HMGB1: variants seen among roughly 807,000 people sequenced by gnomAD.
HMGB1 encodes high mobility group box 1.
For synonymous variants in HMGB1, 81 were observed against 84.0 expected (o/e 0.96, Z 0.19); for missense variants, 79 against 253.5 (o/e 0.31, Z 4.67).
intron 1 of HMGB1, among the ~76,000 whole-genome samples, chr13:30,544,296 G>T (rs1364182301): frequency 5.3e-5 from 8 of 152,218 alleles, no homozygotes. Flanking sequence ...CAAGCCCTAG[G>T]AACGGCCAGA....
intron 1 of HMGB1, among the ~76,000 whole-genome samples, chr13:30,543,795 C>A (rs1869024218): frequency 6.6e-6 from 1 of 152,180 alleles, no homozygotes; most frequent in African/African-American, 2.4e-5. Flanking sequence ...TATTTCCCTA[C>A]CTTATTGAGA....
intron 1 of HMGB1, among the ~76,000 whole-genome samples, chr13:30,579,355 A>T (rs150952761): frequency 1.3e-3 from 192 of 152,370 alleles, no homozygotes; most frequent in Non-Finnish European, 2.4e-3. Flanking sequence ...ACACATGTGT[A>T]CCTGTATATT....
At position 30,537,657 on chromosome 13, in the gene HMGB1, A is replaced by C. The variant is rs1228201407; in HGVS notation, c.-14-73963T>G. ...GCAATTCATTCATTCTTGTTCATAT[A>C]TATATATATATATATATATATATAT... On this transcript the variant is annotated intron_variant, in intron 1 of 4. Transcript: ENST00000405805. Among the ~76,000 whole-genome samples the C allele has an allele frequency of 3.4e-4, 19 of 55,274 alleles. 1 individual carries two copies. Among genetic ancestry groups the C allele is most frequent in the African/African-American group, 2.2e-3 (13 of 6,002 alleles). The allele number at this position is 55,274 out of a possible 152,430, so 36.3% of individuals were successfully genotyped here.
chr13:30,524,524 A>T (rs1472149671), intron 1 of HMGB1, among the ~76,000 whole-genome samples: 1 of 151,736 alleles, frequency 6.6e-6, no homozygotes, highest in Non-Finnish European at 1.5e-5. Context: ...TGCAGGAGGA[A>T]CTACCAAACA....
intron 1 of HMGB1, among the ~76,000 whole-genome samples, chr13:30,538,540 T>A (rs865974619): frequency 9.3e-6 from 1 of 107,464 alleles, no homozygotes; most frequent in African/African-American, 5.4e-5. Flanking sequence ...TTCTTTCCTT[T>A]CTTTCTTTCT....
At chr13:30,479,008 A>C (rs1025778870) in intron 1 of HMGB1, among the ~76,000 whole-genome samples, 15 of 152,074 alleles carry the variant, frequency 9.9e-5, no homozygotes, top group Admixed American at 8.5e-4. Flanking sequence ...AGCTGGGCCA[A>C]ATCCCAATTT....
Position 30,538,655 on chromosome 13 carries a change from CTTTCTTTCCTTT to C in HMGB1, c.-14-74973_-14-74962del, listed in dbSNP as rs1566019114. Among the ~76,000 whole-genome samples, 33 of 43,834 alleles carry C rather than the reference CTTTCTTTCCTTT, an allele frequency of 7.5e-4. 2 individuals are homozygous for C. Among genetic ancestry groups the C allele is most frequent in the African/African-American group, 4.8e-3 (33 of 6,874 alleles). The allele number at this position is 43,834 out of a possible 152,430, so 28.8% of individuals were successfully genotyped here. On this transcript the variant is annotated intron_variant, in intron 1 of 4. Coordinates refer to the HMGB1 transcript ENST00000405805. ...TTTTTCTTTCTTCCTTTCTTTCTTT[CTTTCTTTCCTTT>C]CTTTCTTTCTTTCTTTCCTTTCTTT...
chr13:30,465,837 C>T lies in HMGB1; in HGVS notation c.-56G>A. 1.0e-6 allele frequency: 1 copy of T among 985,664 alleles called. No homozygotes were observed. Among genetic ancestry groups the T allele is most frequent in the Non-Finnish European group, 1.2e-6 (1 of 829,752 alleles). 61.1% of individuals were successfully genotyped at this position (985,664 alleles called of 1,614,324 possible). On this transcript the variant is annotated 5_prime_UTR_variant, in exon 1 of 5. Transcript: ENST00000341423. ...AGTCGCCCAGTGCCCGTCCGGCTCTCACTTGCCCCGGTGCTGTCTCTATGG... is the reference window on the plus strand; with the variant it reads ...AGTCGCCCAGTGCCCGTCCGGCTCTTACTTGCCCCGGTGCTGTCTCTATGG...
intron 1 of HMGB1, among the ~76,000 whole-genome samples, chr13:30,595,598 C>T (rs191169613): frequency 6.6e-6 from 1 of 152,268 alleles, no homozygotes; most frequent in Admixed American, 6.5e-5. Context: ...TTTCTGTGGT[C>T]AGAAATCCAG....
chr13:30,483,555 G>A (rs1284802290), intron 1 of HMGB1, among the ~76,000 whole-genome samples: 2 of 151,360 alleles, frequency 1.3e-5, no homozygotes, highest in African/African-American at 2.4e-5. Context: ...TGATCGTGAT[G>A]TTCCTCTGCT....
At chr13:30,505,552 C>G (rs1566009031) in intron 1 of HMGB1, among the ~76,000 whole-genome samples, 1 of 152,074 alleles carries the variant, frequency 6.6e-6, no homozygotes, top group Non-Finnish European at 1.5e-5. Flanking sequence ...CTCAGGTGAT[C>G]CACCCACCTT....
Position 30,571,545 on chromosome 13 carries a change from T to C in HMGB1, c.-15+45126A>G, listed in dbSNP as rs541227261. On this transcript the variant is annotated intron_variant, in intron 1 of 4. Coordinates refer to the HMGB1 transcript ENST00000405805. ...TCCTGACCTTGTGATCTGCCCGCCT[T>C]AGCCTCCCAAAGTGCTGGGATTACA... 6.0e-4 allele frequency among the ~76,000 whole-genome samples: 91 copies of C among 152,198 alleles called. 2 individuals are homozygous for C. The highest frequency in any genetic ancestry group is 5.8e-3 in the South Asian group (28 of 4,824).
At chr13:30,586,749 G>A (rs1420338951) in intron 1 of HMGB1, among the ~76,000 whole-genome samples, 3 of 151,814 alleles carry the variant, frequency 2.0e-5, no homozygotes, top group Non-Finnish European at 4.4e-5. Context: ...CCTCCCAAAG[G>A]TTGGGAAAAG....
At chr13:30,484,703 C>G (rs1487761624) in intron 1 of HMGB1, among the ~76,000 whole-genome samples, 1 of 147,296 alleles carries the variant, frequency 6.8e-6, no homozygotes, top group Non-Finnish European at 1.5e-5. Context: ...GACCCTGTCT[C>G]AAAAAAAGAA....
intron 4 of HMGB1, chr13:30,461,836 T>C (rs1003891775): frequency 2.5e-5 from 13 of 510,782 alleles, no homozygotes; most frequent in African/African-American, 7.9e-5. Context: ...TGTAGAGACT[T>C]TGATTAAAGG....
intron 1 of HMGB1, among the ~76,000 whole-genome samples, chr13:30,481,259 G>A (rs186861654): frequency 0.018 from 2,503 of 138,234 alleles, 64 homozygotes; most frequent in African/African-American, 0.062. Flanking sequence ...ATTTTTTGAT[G>A]GAGAAAAAAA....
chr13:30,483,189 T>C (rs1887275262), intron 1 of HMGB1, among the ~76,000 whole-genome samples: 1 of 151,996 alleles, frequency 6.6e-6, no homozygotes, highest in South Asian at 2.1e-4. Context: ...CACCCACAGG[T>C]GAGTGAGCAA....
At chr13:30,575,383 G>A (rs950845698) in intron 1 of HMGB1, among the ~76,000 whole-genome samples, 3 of 152,098 alleles carry the variant, frequency 2.0e-5, no homozygotes, top group Non-Finnish European at 4.4e-5. Context: ...TTCATATGAC[G>A]CTGTTCCTTC....
chr13:30,463,056 A>G, intron 3 of HMGB1, 151 bp downstream of exon 3: 2 of 813,662 alleles, frequency 2.5e-6, no homozygotes, highest in Non-Finnish European at 2.0e-6. Flanking sequence ...CAGGAATTTT[A>G]TACTATTTAA....
Sources: allele counts gnomAD v4.1 joint callset (sites outside exome capture counted in the v4.1 genomes callset), GRCh38; gene constraint gnomAD v4.1.1; transcripts MANE v1.5; gene names NCBI Gene and HGNC (gene_info 2026-07-23, HGNC 2026-07-21).